CTIF: variants seen among roughly 807,000 people sequenced by gnomAD.
CTIF encodes CBP80/20-dependent translation initiation factor.
A neutral mutation model predicts 66.0 loss-of-function variants in CTIF; 21 were observed. The observed-to-expected ratio is 0.32, with a 90% CI of 0.23 to 0.46. The LOEUF is 0.46. Among genes scored for constraint, CTIF ranks in the 20% least tolerant of loss-of-function variants. CTIF has a pLI of 1.00. For missense variants in CTIF, 739 were observed against 812.7 expected, an observed-to-expected ratio of 0.91 and a Z score of 1.10; for synonymous variants, 345 against 326.4, an observed-to-expected ratio of 1.06 and a Z score of -0.62.
intron 10 of CTIF, among the ~76,000 whole-genome samples, chr18:48,833,602 G>A (rs904133456): frequency 5.9e-5 from 9 of 152,102 alleles, no homozygotes; most frequent in African/African-American, 1.2e-4. Flanking sequence ...TCCCCCTTCC[G>A]GGGACTTTCA....
At chr18:48,617,881 C>T (rs769940401) in intron 1 of CTIF, among the ~76,000 whole-genome samples, 3 of 152,122 alleles carry the variant, frequency 2.0e-5, no homozygotes, top group African/African-American at 7.2e-5. Context: ...GGGCCCAGAG[C>T]GAGGCCCTGC....
chr18:48,647,631 A>T (rs1383006295), intron 3 of CTIF, among the ~76,000 whole-genome samples: 1 of 152,270 alleles, frequency 6.6e-6, no homozygotes, highest in Admixed American at 6.5e-5. Context: ...TTTACAAAAT[A>T]CAAAAAGTAA....
At chr18:48,643,813 A>C (rs1278659315) in intron 3 of CTIF, among the ~76,000 whole-genome samples, 2 of 152,152 alleles carry the variant, frequency 1.3e-5, no homozygotes, top group Non-Finnish European at 2.9e-5. Context: ...ACTGGAGTTT[A>C]AGGCCTCCAG....
In CTIF at chr18:48,677,703, C is replaced by G. The variant is rs8099043; in HGVS notation, c.507+6959C>G. Among the ~76,000 whole-genome samples, 749 of 152,210 alleles carry G rather than the reference C, an allele frequency of 4.9e-3. 6 individuals carry two copies. The highest frequency in any genetic ancestry group is 0.017 in the African/African-American group (694 of 41,522). On this transcript the variant is annotated intron_variant, in intron 6 of 11. Transcript: ENST00000256413. ...ATCGTCACTCGATTCTTCCCTGCAG[C>G]GCCTGTCGCATGTTTGCTTTATTTC...
At chr18:48,641,362 C>G (rs142569443) in intron 3 of CTIF, among the ~76,000 whole-genome samples, 1 of 152,178 alleles carries the variant, frequency 6.6e-6, no homozygotes, top group Non-Finnish European at 1.5e-5. Flanking sequence ...CTTCCCTTGA[C>G]GGAAGGACTT....
At position 48,663,780 on chromosome 18, in the gene CTIF, T is replaced by G; in HGVS notation, c.281T>G (p.Met94Arg). Residue 94 changes from methionine (M) to arginine (R), a missense_variant, in exon 4 of 12, where the codon ATG becomes AGG. Met to Arg is a moderately conservative substitution (Grantham distance 91). This residue lies in a region of CTIF where 529 missense variants were observed against 520.3 expected (regional missense o/e 1.02). Transcript: ENST00000256413. ...QNGSKDNSLD[M>R]LGTDIWAANT... is the part of the protein sequence containing the mutation. ...GGCAGCAAAGACAACTCTCTGGACATGCTGGGCACGGACATCTGGGCGGCC... is the reference window on the plus strand; with the variant it reads ...GGCAGCAAAGACAACTCTCTGGACAGGCTGGGCACGGACATCTGGGCGGCC... 6.2e-7 allele frequency: 1 copy of G among 1,614,138 alleles called. No individual in the cohort carries two copies. The highest frequency in any genetic ancestry group is 8.5e-7 in the Non-Finnish European group (1 of 1,179,992).
intron 9 of CTIF, among the ~76,000 whole-genome samples, chr18:48,767,917 A>G (rs746463790): frequency 1.3e-5 from 2 of 152,076 alleles, no homozygotes; most frequent in African/African-American, 4.8e-5. Context: ...GGCACTCAAG[A>G]TTTTCTGGCT....
At chr18:48,661,669 C>A (rs2091349570) in intron 3 of CTIF, among the ~76,000 whole-genome samples, 1 of 152,114 alleles carries the variant, frequency 6.6e-6, no homozygotes, top group African/African-American at 2.4e-5. Flanking sequence ...ACATTAGGGG[C>A]CACCTGCTTG....
chr18:48,675,764 C>A (rs1208035619), intron 6 of CTIF, among the ~76,000 whole-genome samples: 3 of 152,182 alleles, frequency 2.0e-5, no homozygotes, highest in Non-Finnish European at 4.4e-5. Flanking sequence ...CAGCACGGGG[C>A]TGCAGGGGAA....
chr18:48,806,508 T>C (rs1246113449), intron 9 of CTIF, among the ~76,000 whole-genome samples: 1 of 152,192 alleles, frequency 6.6e-6, no homozygotes, highest in Non-Finnish European at 1.5e-5. Flanking sequence ...CCCTAGGCCA[T>C]TCATTTTCCA....
chr18:48,782,009 A>AT lies in CTIF; in HGVS notation c.1371+20322dup, dbSNP rs535642200. Among the ~76,000 whole-genome samples the AT allele has an allele frequency of 1.8e-3, 281 of 152,106 alleles. 1 individual carries two copies. Among genetic ancestry groups the AT allele is most frequent in the Non-Finnish European group, 3.1e-3 (214 of 67,986 alleles). ...TTTGAAGCAGGGGCTGGGGCTGCTG[A>AT]TTAAAGACCTGCCTTAGATGAACTA... On this transcript the variant is annotated intron_variant, in intron 9 of 11. Transcript: ENST00000256413.
At position 48,859,904 on chromosome 18, in the gene CTIF, C is replaced by T; in HGVS notation, c.*345C>T. On this transcript the variant is annotated 3_prime_UTR_variant, in exon 12 of 12. Transcript: ENST00000256413. ...TGTGTGAGGGATCTCATCGCTGTGA[C>T]TCCTCGGAGACCTTGGCAGCCTCGC... is the stretch of plus-strand genomic sequence containing the variant. The T allele has an allele frequency of 3.9e-6, 2 of 515,760 alleles. No homozygotes were observed. The highest frequency in any genetic ancestry group is 7.5e-6 in the Non-Finnish European group (2 of 265,980). The allele number at this position is 515,760 out of a possible 1,614,324, so 31.9% of individuals were successfully genotyped here.
intron 7 of CTIF, among the ~76,000 whole-genome samples, chr18:48,744,229 G>C (rs754087289): frequency 6.6e-6 from 1 of 152,156 alleles, no homozygotes; most frequent in Non-Finnish European, 1.5e-5. Flanking sequence ...GCCATCCTAC[G>C]GTGAGGGGTC....
chr18:48,833,355 C>T (rs1009788053), intron 10 of CTIF, among the ~76,000 whole-genome samples: 5 of 152,128 alleles, frequency 3.3e-5, no homozygotes, highest in Middle Eastern at 3.4e-3. Context: ...GTGTGGGCTG[C>T]GAGTCTTGGA....
intron 1 of CTIF, among the ~76,000 whole-genome samples, chr18:48,576,824 G>C (rs8096192): frequency 0.17 from 26,638 of 152,244 alleles, 3,708 homozygotes; most frequent in African/African-American, 0.39. Context: ...TGTTTTGGTG[G>C]TTTAGGGCTT....
At chr18:48,599,064 C>T (rs1340758142) in intron 1 of CTIF, among the ~76,000 whole-genome samples, 1 of 152,144 alleles carries the variant, frequency 6.6e-6, no homozygotes, top group Non-Finnish European at 1.5e-5. Context: ...CGACGGGGGC[C>T]TGAGAGCTTT....
At chr18:48,655,644 C>G (rs1290785070) in intron 3 of CTIF, among the ~76,000 whole-genome samples, 2 of 152,174 alleles carry the variant, frequency 1.3e-5, no homozygotes, top group Non-Finnish European at 2.9e-5. Flanking sequence ...TGCTCAGTGA[C>G]TGAGGGTGCA....
chr18:48,788,294 A>T (rs1911901289), intron 9 of CTIF, among the ~76,000 whole-genome samples: 1 of 152,142 alleles, frequency 6.6e-6, no homozygotes, highest in African/African-American at 2.4e-5. Context: ...CTTCATTCTG[A>T]GCACTTCCCA....
intron 6 of CTIF, among the ~76,000 whole-genome samples, chr18:48,709,226 C>G (rs1257339150): frequency 6.6e-6 from 1 of 152,244 alleles, no homozygotes; most frequent in Non-Finnish European, 1.5e-5. Flanking sequence ...CAGTCTAACT[C>G]TAGAGCACAG....
Sources: gnomAD v4.1 joint callset for allele counts (sites outside exome capture counted in the v4.1 genomes callset) on GRCh38, gnomAD v4.1.1 for gene constraint, gnomAD v4.1.1 regional missense constraint, MANE v1.5 for transcripts, NCBI Gene and HGNC (gene_info 2026-07-23, HGNC 2026-07-21) for gene names.